The following PKHD1L1 variants were observed in gnomAD, a reference collection of about 807,000 sequenced individuals.
The protein encoded by PKHD1L1 is PKHD1 like 1.
A neutral mutation model predicts 462.9 loss-of-function variants in PKHD1L1; 434 were observed. The observed-to-expected ratio is 0.94, with a 90% CI of 0.87 to 1.02. The LOEUF (loss-of-function observed/expected upper bound fraction) is 1.02, where lower values mean the gene tolerates loss of function less well. Among genes scored for constraint, PKHD1L1 ranks in the 50% least tolerant of loss-of-function variants. PKHD1L1 has a pLI of 0.00. For synonymous variants in PKHD1L1, 1,781 were observed against 1,750.0 expected (o/e 1.02, Z -0.44); for missense variants, 5,202 against 5,096.1 (o/e 1.02, Z -0.63).
Position 109,479,594 on chromosome 8 carries a change from A to G in PKHD1L1, c.9133A>G (p.Asn3045Asp), listed in dbSNP as rs768947519. The change falls in exon 54 of 78, where the codon AAT becomes GAT. Residue 3045 changes from asparagine (N) to aspartate (D), a missense_variant. Coordinates refer to ENST00000378402, the MANE Select transcript of PKHD1L1 (RefSeq NM_177531.6). ...TTTTTGGCAATCATCACGAGAAAAT[A>G]ATTATACTGTACCTCACCCAGGGGC... ...DSFWQSSREN[N>D]YTVPHPGANV... 18 of 1,538,936 alleles carry G rather than the reference A, an allele frequency of 1.2e-5. No homozygotes were observed. Among genetic ancestry groups the G allele is most frequent in the Middle Eastern group, 1.7e-4 (1 of 5,938 alleles).
chr8:109,427,041 C>T lies in PKHD1L1; in HGVS notation c.2885C>T (p.Ala962Val). 6.2e-7 allele frequency: 1 copy of T among 1,609,376 alleles called. No individual in the cohort carries two copies. Among genetic ancestry groups the T allele is most frequent in the Non-Finnish European group, 8.5e-7 (1 of 1,175,728 alleles). Residue 962 changes from alanine (A) to valine (V), a missense_variant, in exon 25 of 78, where the codon GCA becomes GTA. This residue lies in a region of PKHD1L1 where 4,497 missense variants were observed against 4,336.8 expected (regional missense o/e 1.04). Transcript: ENST00000378402. ...AAVSAADLQF[A>V]LQSLEGMGRI... ...GTGTCAGCTGCAGATCTGCAGTTTGCACTCCAGAGTCTGGAGGGAATGGGA... is the reference window on the plus strand; with the variant it reads ...GTGTCAGCTGCAGATCTGCAGTTTGTACTCCAGAGTCTGGAGGGAATGGGA...
intron 68 of PKHD1L1, among the ~76,000 whole-genome samples, chr8:109,505,161 A>T (rs958423779): frequency 1.3e-5 from 2 of 152,080 alleles, no homozygotes; most frequent in Non-Finnish European, 2.9e-5. Flanking sequence ...AAGCACTGGG[A>T]TTACAGGCAA....
intron 63 of PKHD1L1, among the ~76,000 whole-genome samples, chr8:109,496,599 C>T (rs1418052758): frequency 6.6e-6 from 1 of 152,126 alleles, no homozygotes; most frequent in Non-Finnish European, 1.5e-5. Context: ...AAAGTAAATA[C>T]TAATTAGAAT....
rs367695325 is a variant in PKHD1L1, at chr8:109,433,118, A to G, written c.3242A>G (p.Glu1081Gly). The change falls in exon 28 of 78, where the codon GAA becomes GGA. Residue 1081 changes from glutamate (E) to glycine (G), a missense_variant. By Grantham distance (98) the Glu-to-Gly change is moderately conservative. Transcript: ENST00000378402. ...TGATCATTTTTAGGGTCCTATGAAG[A>G]AGGCACAATTCTAACCATAGTGGGT... The part of the protein sequence containing the change: ...AISPSQGSYE[E>G]GTILTIVGSG... 29 of 1,610,830 alleles carry G rather than the reference A, an allele frequency of 1.8e-5. No homozygotes were observed. The African/African-American group carries it at 3.9e-4, about 22-fold the overall frequency.
intron 8 of PKHD1L1, 47 bp from the exon 9 acceptor site, chr8:109,390,405 T>G: frequency 8.7e-7 from 1 of 1,145,288 alleles, no homozygotes. Flanking sequence ...TTATTGTTCT[T>G]CTGTGACTGG....
rs766739272 is a variant in PKHD1L1 at position 109,451,076 on chromosome 8, A to G, written c.6277A>G (p.Ile2093Val). The change falls in exon 41 of 78, where the codon ATC (isoleucine) becomes GTC (valine). Residue 2093 changes from isoleucine (I) to valine (V), a missense_variant. By Grantham distance (29) the Ile-to-Val change is conservative. This residue lies in a region of PKHD1L1 where 4,497 missense variants were observed against 4,336.8 expected (regional missense o/e 1.04). Transcript: ENST00000378402. ...FTYAVSLTPL[I>V]TAVSPKRGST... Reference sequence around the variant, plus strand: ...GTACGCAGTGTCACTGACTCCACTCATCACTGCAGTATCTCCTAAGAGAGG... The same window carrying G: ...GTACGCAGTGTCACTGACTCCACTCGTCACTGCAGTATCTCCTAAGAGAGG... The G allele has an allele frequency of 1.2e-6, 2 of 1,613,678 alleles. No individual in the cohort carries two copies. The highest frequency in any genetic ancestry group is 1.3e-5 in the African/African-American group (1 of 74,904).
At position 109,454,663 on chromosome 8, in the gene PKHD1L1, A is replaced by T. The variant is rs147907767; in HGVS notation, c.6745-60A>T. On this transcript the variant is annotated intron_variant, in intron 44 of 77. Coordinates refer to ENST00000378402, the MANE Select transcript of PKHD1L1 (RefSeq NM_177531.6). The stretch of plus-strand genomic sequence containing the variant: ...GATAGAAAAGAACTACTTTTGTGTG[A>T]TTAGAATTGTGGATTTGGGGTTTTA... The T allele has an allele frequency of 3.3e-3, 5,273 of 1,590,542 alleles. 13 individuals are homozygous for T. The highest frequency in any genetic ancestry group is 4.2e-3 in the Non-Finnish European group (4,916 of 1,165,812).
At chr8:109,488,519 C>T (rs1818668443) in intron 59 of PKHD1L1, among the ~76,000 whole-genome samples, 1 of 151,910 alleles carries the variant, frequency 6.6e-6, no homozygotes, top group Non-Finnish European at 1.5e-5. Context: ...AATTCTGGTT[C>T]TTTTTATTGG....
At chr8:109,475,001 TA>T in intron 50 of PKHD1L1, 116 bp from the exon 51 acceptor site, 1 of 858,396 alleles carries the variant, frequency 1.2e-6, no homozygotes, top group Non-Finnish European at 1.7e-6. Context: ...CAATATTTGC[TA>T]AACCAACATT....
At chr8:109,378,663 A>C (rs1362902753) in intron 2 of PKHD1L1, among the ~76,000 whole-genome samples, 2 of 152,174 alleles carry the variant, frequency 1.3e-5, no homozygotes, top group African/African-American at 2.4e-5. Context: ...CTCTTAAGTC[A>C]CTTCTCACTA....
chr8:109,509,912 A>G (rs1470664790), intron 70 of PKHD1L1, among the ~76,000 whole-genome samples: 3 of 152,118 alleles, frequency 2.0e-5, no homozygotes, highest in Non-Finnish European at 4.4e-5. Flanking sequence ...TTCATTCCAT[A>G]TTTCACTCAA....
At chr8:109,372,597 A>T (rs958385999) in intron 2 of PKHD1L1, among the ~76,000 whole-genome samples, 2 of 152,188 alleles carry the variant, frequency 1.3e-5, no homozygotes, top group Admixed American at 6.5e-5. Context: ...TTCAAAGGGA[A>T]TGCTTCCAGT....
At position 109,362,569 on chromosome 8, in the gene PKHD1L1, A is replaced by G. The variant is rs2130271506; in HGVS notation, c.-12A>G. Reference sequence around the variant, plus strand: ...GAGCGGAGGGCACCAACTCCGCAGAACTGGCTTTTCAATGGGACACCTGTG... The same window carrying G: ...GAGCGGAGGGCACCAACTCCGCAGAGCTGGCTTTTCAATGGGACACCTGTG... On this transcript the variant is annotated 5_prime_UTR_variant, in exon 1 of 78. Coordinates refer to ENST00000378402, the MANE Select transcript of PKHD1L1 (RefSeq NM_177531.6). 1 of 1,603,628 alleles carries G rather than the reference A, an allele frequency of 6.2e-7. No homozygotes were observed.
intron 2 of PKHD1L1, among the ~76,000 whole-genome samples, chr8:109,364,946 C>T (rs1811158643): frequency 1.3e-5 from 2 of 152,264 alleles, no homozygotes; most frequent in East Asian, 3.9e-4. Flanking sequence ...AGTCTAATAA[C>T]ATTTAATTTA....
At chr8:109,508,288 T>C (rs754935166) in intron 70 of PKHD1L1, 24 bp downstream of exon 70, 3 of 1,568,078 alleles carry the variant, frequency 1.9e-6, no homozygotes, top group Non-Finnish European at 2.6e-6. Flanking sequence ...ATGAGTAAAC[T>C]ACAATTACTC....
intron 53 of PKHD1L1, among the ~76,000 whole-genome samples, chr8:109,477,772 C>T (rs1419580398): frequency 3.9e-5 from 6 of 152,150 alleles, no homozygotes; most frequent in African/African-American, 1.2e-4. Flanking sequence ...TAAGTCTCCT[C>T]GTGAATCCAA....
rs1453272829 is a variant in PKHD1L1 at position 109,536,999 on chromosome 8, G to A, written c.*6909G>A. 6.6e-6 allele frequency among the ~76,000 whole-genome samples: 1 copy of A among 152,132 alleles called. No individual in the cohort carries two copies. Among genetic ancestry groups the A allele is most frequent in the Admixed American group, 6.5e-5 (1 of 15,268 alleles). On this transcript the variant is annotated 3_prime_UTR_variant, in exon 78 of 78. Transcript: ENST00000378402. ...AATATTAATGTTTATTATTTTGAAA[G>A]CAAGTAAAATTCTCCAGTAGGAAGA...
chr8:109,461,771 G>T lies in PKHD1L1; in HGVS notation c.7247-1G>T. On this transcript the variant is annotated splice_acceptor_variant, in intron 47 of 77. Coordinates refer to ENST00000378402, the MANE Select transcript of PKHD1L1 (RefSeq NM_177531.6). LOFTEE classifies it high-confidence loss of function. ...ATGATGCTTTAAAAACTGTTTTGAA[G>T]GAGAATTTGCTACACAGACCTGTCT... 6.2e-7 allele frequency: 1 copy of T among 1,604,020 alleles called. No individual in the cohort carries two copies. The highest frequency in any genetic ancestry group is 2.2e-5 in the East Asian group (1 of 44,720).
intron 2 of PKHD1L1, among the ~76,000 whole-genome samples, chr8:109,368,937 T>G (rs1437538869): frequency 6.6e-6 from 1 of 152,152 alleles, no homozygotes; most frequent in East Asian, 1.9e-4. Context: ...TTGGAGTACT[T>G]CCAGAGGTGG....
Sources: allele counts gnomAD v4.1 joint callset (sites outside exome capture counted in the v4.1 genomes callset), GRCh38; gene constraint gnomAD v4.1.1; regional missense constraint gnomAD v4.1.1; transcripts MANE v1.5; gene names NCBI Gene and HGNC (gene_info 2026-07-23, HGNC 2026-07-21).